SETDB2: variants seen among roughly 807,000 people sequenced by gnomAD.
SETDB2 encodes SET domain bifurcated histone lysine methyltransferase 2.
A neutral mutation model predicts 82.5 loss-of-function variants in SETDB2; 56 were observed. The ratio of observed to expected loss-of-function variants is 0.68; its 90% CI spans 0.55 to 0.85. SETDB2 has a LOEUF of 0.85. Among genes scored for constraint, SETDB2 ranks in the 40% least tolerant of loss-of-function variants. SETDB2 has a pLI of 0.00. For missense variants in SETDB2, 677 were observed against 816.4 expected (o/e 0.83, Z 2.08); for synonymous variants, 272 against 284.9 (o/e 0.95, Z 0.46).
At position 49,476,975 on chromosome 13, in the gene SETDB2, A is replaced by G. The variant is rs1172113386; in HGVS notation, c.805A>G (p.Asn269Asp). 6.2e-7 allele frequency: 1 copy of G among 1,613,310 alleles called. No individual in the cohort carries two copies. Among genetic ancestry groups the G allele is most frequent in the Admixed American group, 1.7e-5 (1 of 59,914 alleles). ...AAAGACTGTGTGGCCTCGAGCATAT[A>G]ATCTAACCAACTTTTCCAGCATGTT... is the stretch of plus-strand genomic sequence containing the variant. Reference protein sequence around the residue: ...YRKTVWPRAYNLTNFSSMFTD... With the variant: ...YRKTVWPRAYDLTNFSSMFTD... Residue 269 changes from asparagine (N) to aspartate (D), a missense_variant, in exon 6 of 14, where the codon AAT (asparagine) becomes GAT (aspartate). By Grantham distance (23) the Asn-to-Asp change is conservative. Around this residue, in one of 3 missense-constraint regions of SETDB2, gnomAD observed 420 missense variants for 554.6 expected, o/e 0.76. Transcript: ENST00000611815.
intron 1 of SETDB2, among the ~76,000 whole-genome samples, chr13:49,449,626 A>G (rs1301370897): frequency 6.6e-6 from 1 of 152,096 alleles, no homozygotes; most frequent in Non-Finnish European, 1.5e-5. Context: ...TGTTTTCTTA[A>G]CAAAGTGTAC....
chr13:49,461,855 A>G (rs1958000135), intron 4 of SETDB2, among the ~76,000 whole-genome samples: 1 of 152,214 alleles, frequency 6.6e-6, no homozygotes. Flanking sequence ...ACTGACTGCT[A>G]CAAATTAGAG....
intron 1 of SETDB2, among the ~76,000 whole-genome samples, chr13:49,447,126 A>G (rs552539074): frequency 2.0e-5 from 3 of 152,238 alleles, no homozygotes; most frequent in South Asian, 4.1e-4. Context: ...AGTGTCTATT[A>G]TGTTTGTTAA....
chr13:49,448,644 C>T (rs1957735719), intron 1 of SETDB2, among the ~76,000 whole-genome samples: 1 of 152,068 alleles, frequency 6.6e-6, no homozygotes, highest in African/African-American at 2.4e-5. Flanking sequence ...TGTAAACAGT[C>T]TTTTGGAATT....
chr13:49,482,315 T>C (rs1000008576), intron 8 of SETDB2: 1 of 985,302 alleles, frequency 1.0e-6, no homozygotes, highest in Non-Finnish European at 1.2e-6. Flanking sequence ...ATGACAACAC[T>C]AAGAACATAT....
In SETDB2 at chr13:49,470,941, G is replaced by T. The variant is rs182922307; in HGVS notation, c.305+2981G>T. 8.9e-3 allele frequency among the ~76,000 whole-genome samples: 1,118 copies of T among 126,090 alleles called. 17 individuals are homozygous for T. Among genetic ancestry groups the T allele is most frequent in the African/African-American group, 0.033 (1,054 of 32,154 alleles). The allele number at this position is 126,090 out of a possible 152,430, so 82.7% of individuals were successfully genotyped here. On this transcript the variant is annotated intron_variant, in intron 5 of 13. Coordinates refer to ENST00000611815, the MANE Select transcript of SETDB2 (RefSeq NM_001160308.3). ...CAGGCTTTTGGTGTTTTTTTGTGGGGTTTTTTTGTTTTCTTTCTTTCTTTC... is the reference window on the plus strand; with the variant it reads ...CAGGCTTTTGGTGTTTTTTTGTGGGTTTTTTTTGTTTTCTTTCTTTCTTTC...
intron 9 of SETDB2, 57 bp from the exon 10 acceptor site, chr13:49,483,407 G>A (rs1958517211): frequency 1.5e-6 from 1 of 646,648 alleles, no homozygotes. Flanking sequence ...CTGTACTTGA[G>A]TAAAGAGAAT....
At chr13:49,463,979 T>G (rs1466082196) in intron 4 of SETDB2, 4 of 718,772 alleles carry the variant, frequency 5.6e-6, no homozygotes, top group African/African-American at 1.7e-5. Flanking sequence ...CTTATTTCTC[T>G]TTTTAATTTT....
intron 2 of SETDB2, among the ~76,000 whole-genome samples, chr13:49,452,513 A>G (rs1457093717): frequency 6.6e-6 from 1 of 152,126 alleles, no homozygotes; most frequent in Non-Finnish European, 1.5e-5. Context: ...TATGATTAAC[A>G]TTTTACATTT....
chr13:49,481,192 C>A, intron 8 of SETDB2, 76 bp downstream of exon 8: 1 of 1,356,544 alleles, frequency 7.4e-7, no homozygotes. Context: ...CTAGCCAGGG[C>A]TGTTGAGAGC....
intron 11 of SETDB2, among the ~76,000 whole-genome samples, chr13:49,486,124 A>G (rs1334524613): frequency 1.3e-5 from 2 of 152,062 alleles, no homozygotes; most frequent in African/African-American, 2.4e-5. Flanking sequence ...AGTCTGGGCA[A>G]TGTAGCAAGA....
At position 49,476,499 on chromosome 13, in the gene SETDB2, T is replaced by C; in HGVS notation, c.329T>C (p.Leu110Pro). 6 of 1,578,254 alleles carry C rather than the reference T, an allele frequency of 3.8e-6. No individual in the cohort carries two copies. The highest frequency in any genetic ancestry group is 5.2e-6 in the Non-Finnish European group (6 of 1,163,450). Residue 110 changes from leucine to proline, a missense_variant, in exon 6 of 14, where the codon CTC (leucine) becomes CCC (proline). Coordinates refer to ENST00000611815, the MANE Select transcript of SETDB2 (RefSeq NM_001160308.3). ...AGAACAACAGAAAATAAGGAAATTC[T>C]CTCTCTTGAAGATAAAGTTGTAGAC... ...TFLTTENKEI[L>P]SLEDKVVDFR...
intron 5 of SETDB2, among the ~76,000 whole-genome samples, chr13:49,472,428 G>C (rs1958269616): frequency 6.6e-6 from 1 of 152,178 alleles, no homozygotes; most frequent in Admixed American, 6.6e-5. Context: ...TATGCAAACT[G>C]AGAAATCCTT....
At position 49,494,870 on chromosome 13, in the gene SETDB2, A is replaced by T. The variant is rs1958775318; in HGVS notation, c.*3021A>T. On this transcript the variant is annotated 3_prime_UTR_variant, in exon 14 of 14. Coordinates refer to ENST00000611815, the MANE Select transcript of SETDB2 (RefSeq NM_001160308.3). Reference sequence around the variant, plus strand: ...TCCTCAGCAAACCACCAACTATTATATGTCTTTTTTCCAGAACAACTTATT... The same window carrying T: ...TCCTCAGCAAACCACCAACTATTATTTGTCTTTTTTCCAGAACAACTTATT... 6.6e-6 allele frequency: 1 copy of T among 152,022 alleles called. No homozygotes were observed. Among genetic ancestry groups the T allele is most frequent in the Non-Finnish European group, 1.5e-5 (1 of 68,010 alleles). 9.4% of individuals were successfully genotyped at this position (152,022 alleles called of 1,614,324 possible).
chr13:49,482,070 A>T, intron 8 of SETDB2: 3 of 985,424 alleles, frequency 3.0e-6, no homozygotes, highest in Non-Finnish European at 3.6e-6. Context: ...TTCATCTCTC[A>T]TACTTCTCAA....
chr13:49,478,223 A>T (rs1958409344), intron 6 of SETDB2, among the ~76,000 whole-genome samples: 1 of 152,154 alleles, frequency 6.6e-6, no homozygotes, highest in Non-Finnish European at 1.5e-5. Flanking sequence ...GTGCTGTTTT[A>T]TTCTGTTTAA....
At chr13:49,469,331 G>A (rs1958181424) in intron 5 of SETDB2, among the ~76,000 whole-genome samples, 1 of 152,250 alleles carries the variant, frequency 6.6e-6, no homozygotes, top group African/African-American at 2.4e-5. Flanking sequence ...CTGTTGTCCC[G>A]CCTACACTTC....
chr13:49,462,401 A>G (rs977895594), intron 4 of SETDB2, among the ~76,000 whole-genome samples: 4 of 152,198 alleles, frequency 2.6e-5, no homozygotes, highest in Admixed American at 2.6e-4. Flanking sequence ...AGGGTCTCAG[A>G]AGTTCTTATG....
At chr13:49,485,132 G>A (rs1958570444) in intron 10 of SETDB2, among the ~76,000 whole-genome samples, 1 of 152,196 alleles carries the variant, frequency 6.6e-6, no homozygotes, top group Non-Finnish European at 1.5e-5. Context: ...TGGTTGCCAA[G>A]CATTGTGCTG....
Sources: gnomAD v4.1 joint callset for allele counts (sites outside exome capture counted in the v4.1 genomes callset) on GRCh38, gnomAD v4.1.1 for gene constraint, gnomAD v4.1.1 regional missense constraint, MANE v1.5 for transcripts, NCBI Gene and HGNC (gene_info 2026-07-23, HGNC 2026-07-21) for gene names.